The following IL1RAPL1 variants were observed in gnomAD, a reference collection of about 807,000 sequenced individuals.
IL1RAPL1 encodes the protein interleukin-1 receptor accessory protein-like 1.
IL1RAPL1 carries 3 observed loss-of-function variants against 48.4 expected under a neutral mutation model. That is an observed-to-expected ratio of 0.06 (90% CI 0.03 to 0.16). The LOEUF (loss-of-function observed/expected upper bound fraction) is 0.16. Ranked by LOEUF, IL1RAPL1 falls within the 10% of genes least tolerant of loss-of-function variation. IL1RAPL1 has a pLI of 1.00. For synonymous variants in IL1RAPL1, 185 were observed against 187.7 expected, an observed-to-expected ratio of 0.99 and a Z score of 0.12; for missense variants, 349 against 530.6, an observed-to-expected ratio of 0.66 and a Z score of 3.36.
At chrX:28,714,989 G>A (rs1039853271) in intron 1 of IL1RAPL1, among the ~76,000 whole-genome samples, 2 of 111,890 alleles carry the variant, frequency 1.8e-5, no homozygotes, top group African/African-American at 6.5e-5. Flanking sequence ...ACAGATCATC[G>A]AGACAGAAAA....
chrX:29,909,545 C>CA (rs930685007), intron 6 of IL1RAPL1, among the ~76,000 whole-genome samples: 1 of 111,189 alleles, frequency 9.0e-6, no homozygotes, highest in African/African-American at 3.3e-5. Context: ...ACAATAGCCA[C>CA]AAAAAATAAA....
chrX:28,874,898 C>G (rs1922329058), intron 2 of IL1RAPL1, among the ~76,000 whole-genome samples: 1 of 111,840 alleles, frequency 8.9e-6, no homozygotes, highest in South Asian at 3.7e-4. Context: ...AGATAGAAGT[C>G]TTTGTTCTAT....
chrX:28,923,590 C>T (rs1313269980), intron 2 of IL1RAPL1, among the ~76,000 whole-genome samples: 1 of 111,437 alleles, frequency 9.0e-6, no homozygotes, highest in African/African-American at 3.3e-5. Flanking sequence ...CTGCAACTTA[C>T]ACTGAAATAA....
intron 2 of IL1RAPL1, among the ~76,000 whole-genome samples, chrX:29,156,252 A>G (rs1379056479): frequency 9.0e-6 from 1 of 111,559 alleles, no homozygotes; most frequent in Admixed American, 9.6e-5. Context: ...TGAGCCTAGC[A>G]AAGTGTATCC....
intron 1 of IL1RAPL1, among the ~76,000 whole-genome samples, chrX:28,752,115 T>C (rs1224019325): frequency 2.7e-5 from 3 of 112,353 alleles, no homozygotes; most frequent in South Asian, 7.3e-4. Context: ...AAAATAACTT[T>C]TATTTTTAAA....
intron 6 of IL1RAPL1, among the ~76,000 whole-genome samples, chrX:29,840,121 C>T (rs1157741624): frequency 9.0e-6 from 1 of 111,551 alleles, no homozygotes; most frequent in Non-Finnish European, 1.9e-5. Context: ...CGATTATGGC[C>T]ATTGAAGAGG....
At chrX:29,258,997 C>G (rs1182944461) in intron 2 of IL1RAPL1, among the ~76,000 whole-genome samples, 2 of 111,121 alleles carry the variant, frequency 1.8e-5, no homozygotes, top group Non-Finnish European at 3.8e-5. Context: ...CTCCCCTCCC[C>G]AACTCTAACC....
At chrX:29,448,733 G>A (rs1207368493) in intron 5 of IL1RAPL1, among the ~76,000 whole-genome samples, 2 of 111,268 alleles carry the variant, frequency 1.8e-5, no homozygotes, top group Non-Finnish European at 3.8e-5. Flanking sequence ...TCCTAGCTAG[G>A]GCTGCTCCAC....
chrX:29,657,827 T>TTG (rs199505669), intron 5 of IL1RAPL1, among the ~76,000 whole-genome samples: 2,423 of 107,913 alleles, frequency 0.022, 64 homozygotes, highest in African/African-American at 0.077. Flanking sequence ...AGTGACTGTT[T>TTG]TTTTTTTTTT....
At chrX:29,060,043 A>G (rs1321975503) in intron 2 of IL1RAPL1, among the ~76,000 whole-genome samples, 1 of 111,954 alleles carries the variant, frequency 8.9e-6, no homozygotes, top group Non-Finnish European at 1.9e-5. Flanking sequence ...TCAACTTCCC[A>G]TAGAGAATTA....
At chrX:29,103,567 ATT>A (rs1014550767) in intron 2 of IL1RAPL1, among the ~76,000 whole-genome samples, 1 of 108,516 alleles carries the variant, frequency 9.2e-6, no homozygotes, top group African/African-American at 3.6e-5. Flanking sequence ...CTGGGCAAAG[ATT>A]TTTAGAGTAA....
At chrX:29,636,758 G>T (rs1264794825) in intron 5 of IL1RAPL1, among the ~76,000 whole-genome samples, 1 of 111,754 alleles carries the variant, frequency 8.9e-6, no homozygotes, top group Non-Finnish European at 1.9e-5. Context: ...TTAGGAACAG[G>T]CTGGGCACTG....
chrX:29,153,540 C>T lies in IL1RAPL1; in HGVS notation c.83-129398C>T, dbSNP rs181127628. 5.4e-5 allele frequency among the ~76,000 whole-genome samples: 6 copies of T among 111,925 alleles called. No individual in the cohort carries two copies. In the East Asian group the frequency reaches 1.7e-3, roughly 31 times the overall value. ...GAATTATGATTTTAACAAATGGAGG[C>T]TTGTGTCTCATAATGTATATTTCGT... On this transcript the variant is annotated intron_variant, in intron 2 of 10. Coordinates refer to ENST00000378993, the MANE Select transcript of IL1RAPL1 (RefSeq NM_014271.4).
chrX:29,812,879 A>ATGAATTTTTC (rs1293991135), intron 6 of IL1RAPL1, among the ~76,000 whole-genome samples: 1 of 111,366 alleles, frequency 9.0e-6, no homozygotes, highest in Non-Finnish European at 1.9e-5. Flanking sequence ...TCATAGATAT[A>ATGAATTTTTC]ACCTTACCAA....
intron 6 of IL1RAPL1, among the ~76,000 whole-genome samples, chrX:29,833,880 A>G (rs1257622319): frequency 9.0e-6 from 1 of 111,567 alleles, no homozygotes; most frequent in Non-Finnish European, 1.9e-5. Flanking sequence ...TGCAAATAGG[A>G]TCCATGTTTC....
chrX:29,547,122 T>G (rs1921647574), intron 5 of IL1RAPL1, among the ~76,000 whole-genome samples: 1 of 111,968 alleles, frequency 8.9e-6, no homozygotes, highest in Non-Finnish European at 1.9e-5. Flanking sequence ...AAATCACAGG[T>G]AATTAATCAT....
At chrX:29,022,017 A>G (rs755545391) in intron 2 of IL1RAPL1, among the ~76,000 whole-genome samples, 7 of 111,856 alleles carry the variant, frequency 6.3e-5, no homozygotes, top group African/African-American at 2.3e-4. Flanking sequence ...GAAAAGGTTA[A>G]TTACCCCTTT....
intron 1 of IL1RAPL1, among the ~76,000 whole-genome samples, chrX:28,656,490 C>T (rs771216802): frequency 9.0e-6 from 1 of 111,046 alleles, no homozygotes; most frequent in Non-Finnish European, 1.9e-5. Flanking sequence ...AATTCCAGTC[C>T]CATCAGCTTT....
At chrX:29,476,922 G>A (rs1934982647) in intron 5 of IL1RAPL1, among the ~76,000 whole-genome samples, 1 of 75,210 alleles carries the variant, frequency 1.3e-5, no homozygotes. Context: ...CGCCCAGGCC[G>A]GACTGCGGAC....
Sources: allele counts gnomAD v4.1 joint callset (sites outside exome capture counted in the v4.1 genomes callset), GRCh38; gene constraint gnomAD v4.1.1; transcripts MANE v1.5; gene names NCBI Gene and HGNC (gene_info 2026-07-23, HGNC 2026-07-21).